Variants in IGSF5 observed in about 807,000 individuals in gnomAD.
IGSF5 encodes the protein immunoglobulin superfamily member 5, also known as immunoglobulin superfamily 5 like.
IGSF5 carries 41 observed loss-of-function variants against 39.4 expected under a neutral mutation model. The observed-to-expected ratio is 1.04, with a 90% CI of 0.81 to 1.35. The LOEUF is 1.35. Ranked by LOEUF, IGSF5 falls within the 40% of genes most tolerant of loss-of-function variation. IGSF5 has a pLI of 0.00. For synonymous variants in IGSF5, 183 were observed against 175.3 expected (o/e 1.04, Z -0.34); for missense variants, 487 against 494.6 (o/e 0.98, Z 0.15).
At chr21:39,787,855 C>T (rs541574844) in intron 5 of IGSF5, among the ~76,000 whole-genome samples, 1 of 152,230 alleles carries the variant, frequency 6.6e-6, no homozygotes, top group South Asian at 2.1e-4. Flanking sequence ...TGTATAGTCT[C>T]ACTCATCAAA....
At chr21:39,785,893 T>G (rs1379018574) in intron 5 of IGSF5, among the ~76,000 whole-genome samples, 1 of 152,304 alleles carries the variant, frequency 6.6e-6, no homozygotes, top group African/African-American at 2.4e-5. Context: ...CTTGGAAAAC[T>G]GGCTAGCCAT....
intron 4 of IGSF5, 151 bp from the exon 5 acceptor site, chr21:39,778,939 C>A: frequency 2.5e-6 from 2 of 794,330 alleles, no homozygotes; most frequent in Non-Finnish European, 3.9e-6. Flanking sequence ...AATAATTAAA[C>A]ACATTGAAAG....
chr21:39,729,834 C>T, the IGSF5 span: 1 of 152,184 alleles, frequency 6.6e-6, no homozygotes, highest in Non-Finnish European at 1.5e-5. Flanking sequence ...ACCACTGAGC[C>T]TGGTTTCGAT....
the IGSF5 span, among the ~76,000 whole-genome samples, chr21:39,733,962 C>A: frequency 6.6e-6 from 1 of 152,154 alleles, no homozygotes; most frequent in South Asian, 2.1e-4. Context: ...CCAGTGTGAT[C>A]TCACCTTCCT....
the IGSF5 span, among the ~76,000 whole-genome samples, chr21:39,737,959 A>G: frequency 6.6e-6 from 1 of 152,156 alleles, no homozygotes; most frequent in African/African-American, 2.4e-5. Flanking sequence ...AGAGAGAGAG[A>G]TTCTGTTTAC....
chr21:39,762,743 A>G (rs2080067287), intron 2 of IGSF5, among the ~76,000 whole-genome samples: 1 of 152,176 alleles, frequency 6.6e-6, no homozygotes. Flanking sequence ...TGCCAGAGTC[A>G]GGTTGGAAAG....
At chr21:39,770,878 G>T in intron 3 of IGSF5, 38 bp from the exon 4 acceptor site, 1 of 1,355,264 alleles carries the variant, frequency 7.4e-7, no homozygotes, top group Non-Finnish European at 9.7e-7. Flanking sequence ...GAGAGGCATG[G>T]TCATGTCTTC....
chr21:39,791,854 G>T (rs1392176389), intron 6 of IGSF5, 154 bp from the exon 7 acceptor site: 4 of 588,242 alleles, frequency 6.8e-6, no homozygotes, highest in Non-Finnish European at 9.2e-6. Context: ...TACCTGCAAC[G>T]CAGCGGCAAA....
intron 2 of IGSF5, among the ~76,000 whole-genome samples, chr21:39,757,156 G>A (rs1383832504): frequency 6.6e-6 from 1 of 151,954 alleles, no homozygotes; most frequent in South Asian, 2.1e-4. Context: ...GCACCTTCCC[G>A]GGGGCTTTTC....
chr21:39,756,053 T>C (rs1334987438), intron 2 of IGSF5, among the ~76,000 whole-genome samples: 1 of 152,098 alleles, frequency 6.6e-6, no homozygotes, highest in African/African-American at 2.4e-5. Context: ...ATCGTGCCAT[T>C]GCACTCCAGC....
intron 2 of IGSF5, among the ~76,000 whole-genome samples, chr21:39,759,959 A>G (rs2146276525): frequency 6.6e-6 from 1 of 151,260 alleles, no homozygotes; most frequent in African/African-American, 2.4e-5. Context: ...TCAGGAGAGG[A>G]GAGTATATAT....
At chr21:39,744,845 A>G (rs917821867), upstream of IGSF5, among the ~76,000 whole-genome samples, 9 of 152,222 alleles carry the variant, frequency 5.9e-5, no homozygotes, top group Admixed American at 1.3e-4. Context: ...GCCGCTACCA[A>G]CTGAATGCAT....
At chr21:39,800,746 G>A (rs1438486156) in intron 8 of IGSF5, among the ~76,000 whole-genome samples, 1 of 152,178 alleles carries the variant, frequency 6.6e-6, no homozygotes, top group Non-Finnish European at 1.5e-5. Flanking sequence ...TTATGAGACA[G>A]GCATTGGCCA....
the IGSF5 span, among the ~76,000 whole-genome samples, chr21:39,720,084 A>G: frequency 1.3e-5 from 2 of 152,194 alleles, no homozygotes; most frequent in Admixed American, 1.3e-4. Flanking sequence ...ACCAGGAATC[A>G]TTTTCATGGA....
intron 2 of IGSF5, among the ~76,000 whole-genome samples, chr21:39,757,006 G>T (rs2146274699): frequency 6.6e-6 from 1 of 151,526 alleles, no homozygotes; most frequent in Non-Finnish European, 1.5e-5. Context: ...CTGCCACAGA[G>T]CCTTCTCTGC....
intron 3 of IGSF5, among the ~76,000 whole-genome samples, chr21:39,766,511 A>G (rs980347967): frequency 3.3e-5 from 5 of 152,114 alleles, no homozygotes; most frequent in African/African-American, 4.8e-5. Context: ...TTATTTCTCT[A>G]CCCTGCCTCC....
At chr21:39,727,980 G>A in the IGSF5 span, 1 of 152,158 alleles carries the variant, frequency 6.6e-6, no homozygotes, top group African/African-American at 2.4e-5. Flanking sequence ...GATATTCCTA[G>A]AGAAAAATGC....
At chr21:39,733,758 G>C in the IGSF5 span, among the ~76,000 whole-genome samples, 1 of 152,176 alleles carries the variant, frequency 6.6e-6, no homozygotes, top group Non-Finnish European at 1.5e-5. Context: ...AATCTTCCTT[G>C]CCTCTTCCTG....
intron 2 of IGSF5, among the ~76,000 whole-genome samples, chr21:39,748,302 T>C (rs13052684): frequency 5.6e-5 from 1 of 17,988 alleles, no homozygotes; most frequent in Non-Finnish European, 8.7e-5. Flanking sequence ...AAACAAGATC[T>C]TTTTTTTTTT....
Sources: allele counts gnomAD v4.1 joint callset (sites outside exome capture counted in the v4.1 genomes callset), GRCh38; gene constraint gnomAD v4.1.1; transcripts MANE v1.5; gene names NCBI Gene and HGNC (gene_info 2026-07-23, HGNC 2026-07-21).